Variants in CREB5 observed in about 807,000 individuals in gnomAD.
The protein encoded by CREB5 is cAMP responsive element binding protein 5.
Under a neutral mutation model 57.1 loss-of-function variants are expected in CREB5, and 19 were observed. The ratio of observed to expected loss-of-function variants is 0.33; its 90% CI spans 0.23 to 0.49. CREB5 has a LOEUF of 0.49. Ranked by LOEUF, CREB5 falls within the 20% of genes least tolerant of loss-of-function variation. The probability of loss-of-function intolerance (pLI) is 0.99; values close to 1 mark genes in which losing one functional copy is unlikely to be tolerated. For missense variants in CREB5, 579 were observed against 671.6 expected (o/e 0.86, Z 1.52); for synonymous variants, 238 against 238.3 (o/e 1.00, Z 0.01).
chr7:28,622,038 T>C (rs894607146), intron 5 of CREB5, among the ~76,000 whole-genome samples: 4 of 152,166 alleles, frequency 2.6e-5, no homozygotes, highest in Non-Finnish European at 5.9e-5. Flanking sequence ...AAAGATCTTA[T>C]TACCAGGGTG....
intron 1 of CREB5, among the ~76,000 whole-genome samples, chr7:28,436,961 C>T (rs564074066): frequency 2.0e-4 from 31 of 152,214 alleles, no homozygotes; most frequent in African/African-American, 6.7e-4. Context: ...TGATGAAAAG[C>T]CCCTGGCTCT....
rs183648669 is a variant in CREB5 at position 28,448,575 on chromosome 7, T to C, written c.3+35658T>C. On this transcript the variant is annotated intron_variant, in intron 1 of 10. Coordinates refer to ENST00000357727, the MANE Select transcript of CREB5 (RefSeq NM_182898.4). ...GTTGGATTTAACTACTCTCTTCATATGTTCTCTGAAGGACTTTTCAGATAT... is the reference window on the plus strand; with the variant it reads ...GTTGGATTTAACTACTCTCTTCATACGTTCTCTGAAGGACTTTTCAGATAT... Among the ~76,000 whole-genome samples, 176 of 152,330 alleles carry C rather than the reference T, an allele frequency of 1.2e-3. 1 individual carries two copies. The highest frequency in any genetic ancestry group is 2.0e-3 in the Non-Finnish European group (137 of 68,030).
intron 7 of CREB5, among the ~76,000 whole-genome samples, chr7:28,734,626 A>T (rs1306060556): frequency 6.6e-6 from 1 of 152,192 alleles, no homozygotes; most frequent in Non-Finnish European, 1.5e-5. Flanking sequence ...GAAACTAATT[A>T]CATCTTTACT....
chr7:28,448,871 T>G (rs1442154142), intron 1 of CREB5, among the ~76,000 whole-genome samples: 1 of 152,238 alleles, frequency 6.6e-6, no homozygotes, highest in Admixed American at 6.5e-5. Flanking sequence ...AATGACTTGC[T>G]TTTGTTCACA....
intron 4 of CREB5, among the ~76,000 whole-genome samples, chr7:28,527,021 G>A (rs542291488): frequency 4.6e-5 from 7 of 152,284 alleles, no homozygotes; most frequent in African/African-American, 1.7e-4. Flanking sequence ...AGGGTGGGTG[G>A]CAGAACCTTG....
Position 28,344,486 on chromosome 7 carries a change from A to G in CREB5, c.-25+45045A>G, listed in dbSNP as rs559252702. Among the ~76,000 whole-genome samples the G allele has an allele frequency of 1.1e-4, 17 of 152,266 alleles. 1 individual carries two copies. Among genetic ancestry groups the G allele is most frequent in the African/African-American group, 4.1e-4 (17 of 41,560 alleles). ...ATGTATGGATTTATTTCTTGACTCT[A>G]TTCTGTTCAACTGTTCTGTGTGTCT... On this transcript the variant is annotated intron_variant, in intron 1 of 9. Coordinates refer to the CREB5 transcript ENST00000396299.
At chr7:28,530,171 T>A (rs996296772) in intron 4 of CREB5, among the ~76,000 whole-genome samples, 12 of 152,150 alleles carry the variant, frequency 7.9e-5, no homozygotes, top group Non-Finnish European at 1.5e-4. Flanking sequence ...AGAGTCGCTT[T>A]TGTGATTGCT....
intron 5 of CREB5, among the ~76,000 whole-genome samples, chr7:28,637,871 G>A (rs1279703850): frequency 6.6e-6 from 1 of 152,008 alleles, no homozygotes; most frequent in Non-Finnish European, 1.5e-5. Flanking sequence ...ACAATACTTG[G>A]TTAATAGTTT....
chr7:28,339,964 T>G (rs1001230597), intron 1 of CREB5, among the ~76,000 whole-genome samples: 1 of 152,188 alleles, frequency 6.6e-6, no homozygotes, highest in African/African-American at 2.4e-5. Flanking sequence ...CAATGTTCAC[T>G]TAAGGCCCAA....
chr7:28,780,611 A>G (rs188457174), intron 7 of CREB5, among the ~76,000 whole-genome samples: 35 of 152,166 alleles, frequency 2.3e-4, no homozygotes, highest in African/African-American at 7.7e-4. Flanking sequence ...AATCCCAGCT[A>G]CTCAGGTGGC....
At chr7:28,351,325 C>A in intron 1 of CREB5, among the ~76,000 whole-genome samples, 1 of 152,178 alleles carries the variant, frequency 6.6e-6, no homozygotes, top group South Asian at 2.1e-4. Flanking sequence ...TCCATGTCCT[C>A]TTCCACTCAC....
chr7:28,666,501 G>A (rs572880858), intron 5 of CREB5, among the ~76,000 whole-genome samples: 25 of 152,072 alleles, frequency 1.6e-4, no homozygotes, highest in African/African-American at 5.5e-4. Context: ...ATGCAGGTGC[G>A]GCTTTTTTGA....
In CREB5 at chr7:28,822,798, G is replaced by A. The variant is rs1213268372; in HGVS notation, c.*3519G>A. 1 of 152,438 alleles carries A rather than the reference G, an allele frequency of 6.6e-6. No individual in the cohort carries two copies. The highest frequency in any genetic ancestry group is 6.6e-5 in the Admixed American group (1 of 15,262). The allele number at this position is 152,438 out of a possible 1,614,324, so 9.4% of individuals were successfully genotyped here. ...AGGTAGAGTGAAAATCCCAGCCATG[G>A]ATGAATGTACTAATTTGAAAGCCAA... On this transcript the variant is annotated 3_prime_UTR_variant, in exon 11 of 11. Coordinates refer to ENST00000357727, the MANE Select transcript of CREB5 (RefSeq NM_182898.4).
At chr7:28,584,220 C>T in intron 5 of CREB5, among the ~76,000 whole-genome samples, 1 of 152,132 alleles carries the variant, frequency 6.6e-6, no homozygotes. Context: ...TCCTCATCTC[C>T]CAGGCGAGGC....
chr7:28,384,919 CTCTG>C (rs893946719), intron 1 of CREB5, among the ~76,000 whole-genome samples: 4 of 152,098 alleles, frequency 2.6e-5, no homozygotes, highest in South Asian at 2.1e-4. Flanking sequence ...AAATGTGGCT[CTCTG>C]TCTTAGTCCA....
At chr7:28,656,150 A>G (rs58393020) in intron 5 of CREB5, among the ~76,000 whole-genome samples, 32,469 of 152,202 alleles carry the variant, frequency 0.21, 3,873 homozygotes, top group East Asian at 0.48. Flanking sequence ...GTCACATAAC[A>G]ACATCATAAC....
chr7:28,326,201 CTATCTATCTACCTAT>C (rs1562657906), intron 1 of CREB5, among the ~76,000 whole-genome samples: 5 of 132,004 alleles, frequency 3.8e-5, no homozygotes, highest in East Asian at 3.9e-4. Context: ...ATCTATCTAT[CTATCTATCTACCTAT>C]CTATCTTGAA....
intron 6 of CREB5, among the ~76,000 whole-genome samples, chr7:28,719,388 C>T (rs921761130): frequency 3.9e-5 from 6 of 152,216 alleles, no homozygotes; most frequent in African/African-American, 1.4e-4. Flanking sequence ...GCATTCCAAG[C>T]ACTTGATCCT....
intron 5 of CREB5, among the ~76,000 whole-genome samples, chr7:28,601,549 A>G (rs1796920203): frequency 1.3e-5 from 2 of 152,298 alleles, no homozygotes; most frequent in Admixed American, 1.3e-4. Flanking sequence ...AATAGAGGCA[A>G]TTTCAAAAGA....
Sources: allele counts gnomAD v4.1 joint callset (sites outside exome capture counted in the v4.1 genomes callset), GRCh38; gene constraint gnomAD v4.1.1; transcripts MANE v1.5; gene names NCBI Gene and HGNC (gene_info 2026-07-23, HGNC 2026-07-21).